The following DNM3 variants were observed in gnomAD, a reference collection of about 807,000 sequenced individuals.
DNM3 encodes the protein dynamin-3.
DNM3 carries 47 observed loss-of-function variants against 101.6 expected under a neutral mutation model. The observed-to-expected ratio is 0.46, with a 90% confidence interval of 0.37 to 0.59. The LOEUF (loss-of-function observed/expected upper bound fraction) is 0.59, where lower values mean the gene tolerates loss of function less well. Among genes scored for constraint, DNM3 ranks in the 20% least tolerant of loss-of-function variants. The pLI is 0.00. For missense variants in DNM3, 849 were observed against 1,085.7 expected (o/e 0.78, Z 3.06); for synonymous variants, 385 against 387.9 (o/e 0.99, Z 0.09).
intron 4 of DNM3, among the ~76,000 whole-genome samples, chr1:172,009,147 T>TA (rs2046948463): frequency 7.2e-6 from 1 of 139,296 alleles, no homozygotes; most frequent in Non-Finnish European, 1.5e-5. Flanking sequence ...ATTATATATA[T>TA]TATATGATAT....
chr1:172,117,671 A>C (rs112098633), intron 13 of DNM3, among the ~76,000 whole-genome samples: 10 of 152,232 alleles, frequency 6.6e-5, no homozygotes, highest in African/African-American at 2.4e-4. Flanking sequence ...ATGGACTAAT[A>C]GTGAATCAGG....
intron 16 of DNM3, among the ~76,000 whole-genome samples, chr1:172,318,611 A>C (rs1420804471): frequency 6.6e-6 from 1 of 152,214 alleles, no homozygotes; most frequent in East Asian, 1.9e-4. Flanking sequence ...ACAGAGAGCC[A>C]AATCATGAGT....
rs115535172 is a variant in DNM3 at position 172,177,969 on chromosome 1, G to T, written c.1659+46681G>T. Among the ~76,000 whole-genome samples the T allele has an allele frequency of 2.4e-3, 358 of 151,870 alleles. 1 individual carries two copies. Among genetic ancestry groups the T allele is most frequent in the African/African-American group, 8.3e-3 (344 of 41,478 alleles). ...TATTCTAAAAGTTGTGTTATCAGGCGCTTTCTTTGTTGTCCAAACATCATA... is the reference window on the plus strand; with the variant it reads ...TATTCTAAAAGTTGTGTTATCAGGCTCTTTCTTTGTTGTCCAAACATCATA... On this transcript the variant is annotated intron_variant, in intron 14 of 20. Transcript: ENST00000627582.
chr1:172,325,640 G>A (rs769139735), intron 17 of DNM3, among the ~76,000 whole-genome samples: 2 of 152,042 alleles, frequency 1.3e-5, no homozygotes, highest in East Asian at 3.8e-4. Context: ...TGCTGTCTCC[G>A]GAGTATAGAT....
chr1:171,917,295 TTA>T (rs1407523225), intron 1 of DNM3, among the ~76,000 whole-genome samples: 1 of 152,208 alleles, frequency 6.6e-6, no homozygotes, highest in Non-Finnish European at 1.5e-5. Context: ...GGAATTTTTT[TTA>T]GTTTTCTTGA....
chr1:172,186,711 G>A (rs1207775489), intron 14 of DNM3, among the ~76,000 whole-genome samples: 1 of 152,072 alleles, frequency 6.6e-6, no homozygotes, highest in African/African-American at 2.4e-5. Context: ...AGAAAGTTTT[G>A]AGAGCATCAT....
At chr1:172,395,236 T>C (rs2149097111) in intron 20 of DNM3, among the ~76,000 whole-genome samples, 1 of 151,530 alleles carries the variant, frequency 6.6e-6, no homozygotes, top group East Asian at 1.9e-4. Context: ...AGTGGCGTGG[T>C]CTCGGCTCAC....
At chr1:171,996,331 T>TTTACTTTTCAAAGTGCTC (rs1241287042) in intron 4 of DNM3, among the ~76,000 whole-genome samples, 1 of 152,200 alleles carries the variant, frequency 6.6e-6, no homozygotes, top group African/African-American at 2.4e-5. Context: ...TATAGTGGTC[T>TTTACTTTTCAAAGTGCTC]TTACTTTTCA....
chr1:172,265,734 G>T (rs78759658), intron 15 of DNM3, among the ~76,000 whole-genome samples: 4 of 151,978 alleles, frequency 2.6e-5, no homozygotes, highest in African/African-American at 9.7e-5. Context: ...TGCTTCTCTC[G>T]GCTCTCCCCA....
chr1:171,935,036 G>A (rs985630529), intron 2 of DNM3, among the ~76,000 whole-genome samples: 4 of 151,966 alleles, frequency 2.6e-5, no homozygotes, highest in South Asian at 2.1e-4. Flanking sequence ...AATTTTACTC[G>A]TATCTGTATG....
At chr1:172,403,710 T>A (rs557799557) in intron 20 of DNM3, among the ~76,000 whole-genome samples, 1 of 152,282 alleles carries the variant, frequency 6.6e-6, no homozygotes, top group Admixed American at 6.5e-5. Context: ...ATGGCTCTTC[T>A]ATGTAACCAT....
chr1:172,121,320 C>T (rs1285519785), intron 13 of DNM3, among the ~76,000 whole-genome samples: 2 of 152,184 alleles, frequency 1.3e-5, no homozygotes, highest in Admixed American at 6.5e-5. Flanking sequence ...TTAGTGAACT[C>T]TTAGAAATAA....
chr1:172,386,999 CT>C (rs2069219307), intron 18 of DNM3, 133 bp from the exon 19 acceptor site: 1 of 691,272 alleles, frequency 1.4e-6, no homozygotes, highest in African/African-American at 1.8e-5. Flanking sequence ...ACGCTTGGTG[CT>C]TCACTTTTCC....
intron 1 of DNM3, among the ~76,000 whole-genome samples, chr1:171,875,813 CTTTT>C (rs60523795): frequency 1.6e-4 from 17 of 104,676 alleles, no homozygotes; most frequent in Non-Finnish European, 1.8e-5. Flanking sequence ...AGTTGTCTCT[CTTTT>C]TTTTTTTTTT....
intron 13 of DNM3, among the ~76,000 whole-genome samples, chr1:172,118,512 A>G (rs1272402179): frequency 3.3e-5 from 5 of 151,932 alleles, no homozygotes; most frequent in Non-Finnish European, 7.4e-5. Context: ...TCTCTGTTTG[A>G]TATGTTTTCT....
chr1:171,888,815 A>G (rs1237064266), intron 1 of DNM3, among the ~76,000 whole-genome samples: 7 of 152,192 alleles, frequency 4.6e-5, no homozygotes, highest in African/African-American at 1.7e-4. Flanking sequence ...AGGTGACCAT[A>G]TAAGAGTTTA....
At chr1:171,989,198 T>C in intron 4 of DNM3, 50 bp downstream of exon 4, 1 of 1,547,404 alleles carries the variant, frequency 6.5e-7, no homozygotes, top group Non-Finnish European at 8.8e-7. Flanking sequence ...TCAGGAGTTT[T>C]GGTATCTTTA....
chr1:172,272,364 G>A (rs2063120886), intron 15 of DNM3, among the ~76,000 whole-genome samples: 1 of 151,864 alleles, frequency 6.6e-6, no homozygotes, highest in Non-Finnish European at 1.5e-5. Flanking sequence ...ATATCCTTAA[G>A]TGAAACTTGC....
intron 13 of DNM3, among the ~76,000 whole-genome samples, chr1:172,125,106 A>G (rs2056548964): frequency 6.6e-6 from 1 of 152,188 alleles, no homozygotes; most frequent in South Asian, 2.1e-4. Context: ...AACTACCTTT[A>G]TAGAAGCAGC....
Sources: allele counts gnomAD v4.1 joint callset (sites outside exome capture counted in the v4.1 genomes callset), GRCh38; gene constraint gnomAD v4.1.1; transcripts MANE v1.5; gene names NCBI Gene and HGNC (gene_info 2026-07-23, HGNC 2026-07-21).